EGFR: variants seen among roughly 807,000 people sequenced by gnomAD.
EGFR encodes avian erythroblastic leukemia viral (v-erb-b) oncogene homolog.
EGFR carries 58 observed loss-of-function variants against 143.0 expected under a neutral mutation model. The ratio of observed to expected loss-of-function variants is 0.41; its 90% CI spans 0.33 to 0.50. The LOEUF is 0.50. Among genes scored for constraint, EGFR ranks in the 20% least tolerant of loss-of-function variants. The pLI is 0.39. For synonymous variants in EGFR, 613 were observed against 594.4 expected (o/e 1.03, Z -0.45); for missense variants, 1,307 against 1,579.0 (o/e 0.83, Z 2.92).
At chr7:55,150,520 A>G (rs1785098980) in intron 4 of EGFR, among the ~76,000 whole-genome samples, 1 of 152,166 alleles carries the variant, frequency 6.6e-6, no homozygotes, top group Non-Finnish European at 1.5e-5. Context: ...GGACCCATGA[A>G]CACCTCTAGT....
At chr7:55,141,108 G>A (rs1794433589) in intron 1 of EGFR, among the ~76,000 whole-genome samples, 1 of 152,206 alleles carries the variant, frequency 6.6e-6, no homozygotes, top group South Asian at 2.1e-4. Flanking sequence ...TACTGTGATT[G>A]CAGAAGTGCC....
intron 1 of EGFR, among the ~76,000 whole-genome samples, chr7:55,131,796 T>G (rs1793853654): frequency 6.6e-6 from 1 of 152,306 alleles, no homozygotes; most frequent in East Asian, 1.9e-4. Flanking sequence ...CCCCTTGCGC[T>G]GTCAGCATTC....
intron 1 of EGFR, among the ~76,000 whole-genome samples, chr7:55,085,465 C>A (rs1032251697): frequency 2.0e-5 from 3 of 152,228 alleles, no homozygotes; most frequent in Non-Finnish European, 2.9e-5. Flanking sequence ...TGTGCACGCC[C>A]TCTTGTAGAG....
At chr7:55,168,266 C>T (rs964401530) in intron 15 of EGFR, among the ~76,000 whole-genome samples, 5 of 152,202 alleles carry the variant, frequency 3.3e-5, no homozygotes, top group African/African-American at 1.2e-4. Flanking sequence ...AATGTTTTAT[C>T]TTCCCCCTTT....
At chr7:55,041,410 CA>C (rs577381937) in intron 1 of EGFR, among the ~76,000 whole-genome samples, 17 of 145,052 alleles carry the variant, frequency 1.2e-4, no homozygotes, top group East Asian at 4.0e-4. Flanking sequence ...CACTCCATCG[CA>C]AAAAAAAAAG....
In EGFR at chr7:55,038,382, C is replaced by G. The variant is rs537859971; in HGVS notation, c.88+19017C>G. On this transcript the variant is annotated intron_variant, in intron 1 of 27. Coordinates refer to ENST00000275493, the MANE Select transcript of EGFR (RefSeq NM_005228.5). The stretch of plus-strand genomic sequence containing the variant: ...CGTGGCCCCTAAAACAGCGCAGCCT[C>G]CCAAAGACAGAAGATGTGGACTAGT... 2.8e-4 allele frequency among the ~76,000 whole-genome samples: 42 copies of G among 152,280 alleles called. 1 individual carries two copies. Among genetic ancestry groups the G allele is most frequent in the African/African-American group, 1.0e-3 (42 of 41,550 alleles).
chr7:55,191,941 G>C (rs2128964873), intron 21 of EGFR, 67 bp downstream of exon 21: 1 of 1,603,464 alleles, frequency 6.2e-7, no homozygotes, highest in Non-Finnish European at 8.5e-7. Context: ...CTTCCCACTA[G>C]CTGTATTGTT....
intron 1 of EGFR, among the ~76,000 whole-genome samples, chr7:55,040,604 GA>G (rs776123375): frequency 9.9e-5 from 15 of 152,144 alleles, no homozygotes; most frequent in Non-Finnish European, 5.9e-5. Flanking sequence ...ATTGGGTTAT[GA>G]AATGACTGGG....
intron 4 of EGFR, 128 bp downstream of exon 4, chr7:55,146,868 A>G (rs1794794102): frequency 7.7e-7 from 1 of 1,306,400 alleles, no homozygotes; most frequent in Middle Eastern, 1.8e-4. Flanking sequence ...AGTAAGCAAA[A>G]TATCTGACCA....
chr7:55,118,943 A>G (rs1317516438), intron 1 of EGFR: 1 of 152,182 alleles, frequency 6.6e-6, no homozygotes, highest in Non-Finnish European at 1.5e-5. Flanking sequence ...AATTTTAAAA[A>G]CATTTTTATT....
chr7:55,185,532 A>G lies in EGFR; in HGVS notation c.2469+4054A>G, dbSNP rs529076634. ...CCACCCTCTCCCCGTGGAGCCTCCC[A>G]TGCCCAGGACTGCAGAGTCCTGCCA... is the stretch of plus-strand genomic sequence containing the variant. On this transcript the variant is annotated intron_variant, in intron 20 of 27. Coordinates refer to ENST00000275493, the MANE Select transcript of EGFR (RefSeq NM_005228.5). Among the ~76,000 whole-genome samples the G allele has an allele frequency of 1.6e-4, 24 of 152,350 alleles. No individual in the cohort carries two copies. In the East Asian group the frequency reaches 4.6e-3, roughly 29 times the overall value.
intron 1 of EGFR, among the ~76,000 whole-genome samples, chr7:55,036,706 G>A (rs1463685381): frequency 6.6e-6 from 1 of 151,984 alleles, no homozygotes; most frequent in East Asian, 1.9e-4. Context: ...ATTCAAAGTG[G>A]CCCTCATCTT....
intron 27 of EGFR, chr7:55,202,911 TGA>T: frequency 6.3e-6 from 4 of 639,886 alleles, no homozygotes; most frequent in East Asian, 5.4e-5. Flanking sequence ...TCTGTGTGTG[TGA>T]GTGTTCATGA....
At position 55,146,601 on chromosome 7, in the gene EGFR, C is replaced by T. The variant is rs189130668; in HGVS notation, c.425-5C>T. 47 of 1,613,974 alleles carry T rather than the reference C, an allele frequency of 2.9e-5. No homozygotes were observed. The African/African-American group carries it at 3.2e-4, about 11-fold the overall frequency. ...AGTGCTCACCGCAGTTCCATTCTCCCGCAGAAATCCTGCATGGCGCCGTGC... is the reference window on the plus strand; with the variant it reads ...AGTGCTCACCGCAGTTCCATTCTCCTGCAGAAATCCTGCATGGCGCCGTGC... On this transcript the variant is annotated splice_polypyrimidine_tract_variant and splice_region_variant and intron_variant, in intron 3 of 27. Transcript: ENST00000275493.
In EGFR at chr7:55,210,132, A is replaced by G. The variant is rs1260571072; in HGVS notation, c.*4515A>G. On this transcript the variant is annotated 3_prime_UTR_variant, in exon 28 of 28. Transcript: ENST00000275493. Reference sequence around the variant, plus strand: ...GTTACTACTAGAAAAATCCAGTTGCATGCCATACTCTCATCATCTGCCAGT... The same window carrying G: ...GTTACTACTAGAAAAATCCAGTTGCGTGCCATACTCTCATCATCTGCCAGT... The G allele has an allele frequency of 1.3e-5, 2 of 152,242 alleles. No homozygotes were observed. The highest frequency in any genetic ancestry group is 4.8e-5 in the African/African-American group (2 of 41,458). The allele number at this position is 152,242 out of a possible 1,614,324, so 9.4% of individuals were successfully genotyped here.
intron 1 of EGFR, among the ~76,000 whole-genome samples, chr7:55,105,482 T>C (rs1468776239): frequency 2.0e-5 from 3 of 152,262 alleles, no homozygotes; most frequent in African/African-American, 7.2e-5. Flanking sequence ...AACAGAGTCT[T>C]TCATGATCAA....
At chr7:55,044,163 G>A (rs527649558) in intron 1 of EGFR, 2 of 152,308 alleles carry the variant, frequency 1.3e-5, no homozygotes, top group African/African-American at 4.8e-5. Flanking sequence ...ATGCAAGGAT[G>A]CCATTAGGTA....
intron 1 of EGFR, among the ~76,000 whole-genome samples, chr7:55,032,822 A>C (rs1332826502): frequency 6.6e-6 from 1 of 152,218 alleles, no homozygotes; most frequent in Non-Finnish European, 1.5e-5. Flanking sequence ...GAAAATGTTC[A>C]GGAGTTTCTT....
intron 17 of EGFR, among the ~76,000 whole-genome samples, chr7:55,173,478 C>T (rs1409146380): frequency 1.3e-5 from 2 of 152,206 alleles, no homozygotes; most frequent in East Asian, 3.9e-4. Flanking sequence ...CACCATTGTC[C>T]ACACAGTGGC....
Sources: allele counts gnomAD v4.1 joint callset (sites outside exome capture counted in the v4.1 genomes callset), GRCh38; gene constraint gnomAD v4.1.1; transcripts MANE v1.5; gene names NCBI Gene and HGNC (gene_info 2026-07-23, HGNC 2026-07-21).